The following RGS7BP variants were observed in gnomAD, a reference collection of about 807,000 sequenced individuals.
RGS7BP encodes the protein regulator of G protein signaling 7 binding protein.
In RGS7BP, 9 loss-of-function variants were observed where a neutral mutation model predicts 31.3. The ratio of observed to expected loss-of-function variants is 0.29; its 90% confidence interval spans 0.17 to 0.50. RGS7BP has a LOEUF of 0.50. Ranked by LOEUF, RGS7BP falls within the 20% of genes least tolerant of loss-of-function variation. The probability of loss-of-function intolerance (pLI) is 0.98; values close to 1 mark genes in which losing one functional copy is unlikely to be tolerated. For missense variants in RGS7BP, 274 were observed against 322.0 expected, an observed-to-expected ratio of 0.85 and a Z score of 1.14; for synonymous variants, 115 against 120.1, an observed-to-expected ratio of 0.96 and a Z score of 0.28.
In RGS7BP at chr5:64,610,566, C is replaced by G. The variant is rs777051937; in HGVS notation, c.*1314C>G. 1 of 151,886 alleles carries G rather than the reference C, an allele frequency of 6.6e-6. No homozygotes were observed. 9.4% of individuals were successfully genotyped at this position (151,886 alleles called of 1,614,324 possible). ...TACAATAGAAGGATGAGCTAGATGCCGATAAGTGGTTTATCCAAGACACAT... is the reference window on the plus strand; with the variant it reads ...TACAATAGAAGGATGAGCTAGATGCGGATAAGTGGTTTATCCAAGACACAT... On this transcript the variant is annotated 3_prime_UTR_variant, in exon 6 of 6. Coordinates refer to ENST00000334025, the MANE Select transcript of RGS7BP (RefSeq NM_001029875.3).
intron 3 of RGS7BP, among the ~76,000 whole-genome samples, chr5:64,592,150 T>A (rs1041363086): frequency 5.9e-5 from 9 of 152,142 alleles, no homozygotes; most frequent in African/African-American, 2.2e-4. Context: ...TGACACCACA[T>A]ACATTCTGGA....
At chr5:64,523,712 G>C (rs1303323845) in intron 2 of RGS7BP, among the ~76,000 whole-genome samples, 1 of 152,090 alleles carries the variant, frequency 6.6e-6, no homozygotes, top group Non-Finnish European at 1.5e-5. Context: ...AATATATTTT[G>C]GCTTTGAATT....
chr5:64,608,993 A>G (rs1743435503), intron 5 of RGS7BP, among the ~76,000 whole-genome samples, 168 bp from the exon 6 acceptor site: 1 of 152,042 alleles, frequency 6.6e-6, no homozygotes, highest in African/African-American at 2.4e-5. Context: ...AACATTCCAC[A>G]GTGCTCAGGA....
intron 2 of RGS7BP, among the ~76,000 whole-genome samples, chr5:64,569,367 A>G (rs1378909440): frequency 6.6e-6 from 1 of 152,174 alleles, no homozygotes; most frequent in Non-Finnish European, 1.5e-5. Context: ...TTTCTCCATC[A>G]GAAAAATGGA....
intron 2 of RGS7BP, among the ~76,000 whole-genome samples, chr5:64,570,744 T>C (rs1235729919): frequency 6.6e-6 from 1 of 152,120 alleles, no homozygotes; most frequent in African/African-American, 2.4e-5. Context: ...ATGTAAATCC[T>C]CAGTCATCAA....
intron 4 of RGS7BP, among the ~76,000 whole-genome samples, chr5:64,597,751 G>A (rs191271800): frequency 1.3e-5 from 2 of 151,994 alleles, no homozygotes; most frequent in African/African-American, 2.4e-5. Context: ...ACTCAGAAGG[G>A]TGGGAAGGTG....
chr5:64,545,191 A>C (rs940593288), intron 2 of RGS7BP, among the ~76,000 whole-genome samples: 1 of 151,240 alleles, frequency 6.6e-6, no homozygotes, highest in Non-Finnish European at 1.5e-5. Context: ...AAAAAAAAAA[A>C]CTCATAGGTA....
chr5:64,556,294 G>T (rs1741920219), intron 2 of RGS7BP, among the ~76,000 whole-genome samples: 1 of 148,582 alleles, frequency 6.7e-6, no homozygotes, highest in Admixed American at 6.7e-5. Flanking sequence ...TTCCTTTTCT[G>T]TGAGTTTCCT....
At chr5:64,531,647 A>C (rs1393803776) in intron 2 of RGS7BP, among the ~76,000 whole-genome samples, 1 of 152,152 alleles carries the variant, frequency 6.6e-6, no homozygotes, top group East Asian at 1.9e-4. Context: ...TTTATTATGC[A>C]CTTTTCTGTG....
At chr5:64,523,422 T>A (rs532472151) in intron 2 of RGS7BP, among the ~76,000 whole-genome samples, 1 of 152,236 alleles carries the variant, frequency 6.6e-6, no homozygotes, top group Non-Finnish European at 1.5e-5. Context: ...TGTTGGCCCA[T>A]AGAAAAATTT....
intron 3 of RGS7BP, among the ~76,000 whole-genome samples, chr5:64,577,557 T>G (rs1403698880): frequency 1.3e-5 from 2 of 152,172 alleles, no homozygotes; most frequent in Non-Finnish European, 2.9e-5. Flanking sequence ...ATGTGAATAT[T>G]ATATCTTTCT....
chr5:64,577,032 C>T (rs1006230120), intron 3 of RGS7BP, among the ~76,000 whole-genome samples: 2 of 151,308 alleles, frequency 1.3e-5, no homozygotes, highest in Non-Finnish European at 2.9e-5. Flanking sequence ...GGTTCAGTTA[C>T]GGAAGGAAAA....
chr5:64,507,278 G>T (rs1319293773), intron 1 of RGS7BP, among the ~76,000 whole-genome samples: 1 of 152,154 alleles, frequency 6.6e-6, no homozygotes, highest in Non-Finnish European at 1.5e-5. Context: ...TGAATGGTTT[G>T]CCTATTACAC....
chr5:64,580,888 T>C (rs191991786), intron 3 of RGS7BP, among the ~76,000 whole-genome samples: 1 of 152,250 alleles, frequency 6.6e-6, no homozygotes, highest in African/African-American at 2.4e-5. Context: ...CTGCATAGAA[T>C]CTCTATCTGG....
chr5:64,544,907 T>G (rs566600482), intron 2 of RGS7BP, among the ~76,000 whole-genome samples: 1 of 152,272 alleles, frequency 6.6e-6, no homozygotes, highest in African/African-American at 2.4e-5. Flanking sequence ...CCGGGCGTGG[T>G]GGCTCATGCC....
intron 5 of RGS7BP, chr5:64,601,397 T>C (rs1011423963): frequency 2.1e-6 from 2 of 940,730 alleles, no homozygotes; most frequent in Non-Finnish European, 2.5e-6. Context: ...CTCCCCTTTC[T>C]ACTACAGTCA....
chr5:64,593,371 C>A (rs912297443), intron 3 of RGS7BP, among the ~76,000 whole-genome samples: 4 of 152,272 alleles, frequency 2.6e-5, no homozygotes, highest in Admixed American at 6.5e-5. Flanking sequence ...CAGCCATCCT[C>A]TTCACAAGTT....
At chr5:64,556,869 G>A (rs976990081) in intron 2 of RGS7BP, among the ~76,000 whole-genome samples, 2 of 151,930 alleles carry the variant, frequency 1.3e-5, no homozygotes, top group African/African-American at 4.8e-5. Context: ...AAAGAATAGA[G>A]TGCTGAGAGA....
chr5:64,538,511 T>C (rs1741434665), intron 2 of RGS7BP, among the ~76,000 whole-genome samples: 1 of 148,724 alleles, frequency 6.7e-6, no homozygotes, highest in Admixed American at 6.7e-5. Context: ...TTTTCTTTTT[T>C]TTTTTCCTTT....
Sources: allele counts gnomAD v4.1 joint callset (sites outside exome capture counted in the v4.1 genomes callset), GRCh38; gene constraint gnomAD v4.1.1; transcripts MANE v1.5; gene names NCBI Gene and HGNC (gene_info 2026-07-23, HGNC 2026-07-21).